AFTPH: variants seen among roughly 807,000 people sequenced by gnomAD.
The protein encoded by AFTPH is aftiphilin protein.
AFTPH carries 7 observed loss-of-function variants against 72.5 expected under a neutral mutation model. The ratio of observed to expected loss-of-function variants is 0.10; its 90% CI spans 0.05 to 0.18. The LOEUF (loss-of-function observed/expected upper bound fraction) is 0.18. Ranked by LOEUF, AFTPH falls within the 10% of genes least tolerant of loss-of-function variation. AFTPH has a pLI of 1.00. For synonymous variants in AFTPH, 337 were observed against 370.1 expected, an observed-to-expected ratio of 0.91 and a Z score of 1.03; for missense variants, 979 against 1,060.5, an observed-to-expected ratio of 0.92 and a Z score of 1.07.
At chr2:64,585,435 G>A (rs1406953442) in exon 8 of AFTPH, 2 of 1,612,332 alleles carry the variant, frequency 1.2e-6, no homozygotes, top group African/African-American at 2.7e-5. Context: ...TGGATCCGGA[G>A]TTGTATGAGT....
chr2:64,536,985 G>T (rs992387486), intron 1 of AFTPH, among the ~76,000 whole-genome samples: 3 of 144,544 alleles, frequency 2.1e-5, no homozygotes, highest in African/African-American at 7.6e-5. Flanking sequence ...AGAAGAAGAA[G>T]AAGAATGCTT....
intron 2 of AFTPH, among the ~76,000 whole-genome samples, chr2:64,561,049 C>T (rs190188418): frequency 6.6e-6 from 1 of 152,202 alleles, no homozygotes; most frequent in East Asian, 1.9e-4. Flanking sequence ...CTAGTCTAAG[C>T]ACAAGTATAC....
At chr2:64,554,139 T>G (rs1291733143) in intron 2 of AFTPH, among the ~76,000 whole-genome samples, 1 of 152,190 alleles carries the variant, frequency 6.6e-6, no homozygotes, top group Non-Finnish European at 1.5e-5. Context: ...TGTTAGCTCT[T>G]CCTAGAGAGT....
chr2:64,581,090 C>T lies in AFTPH; in HGVS notation c.2455+1544C>T, dbSNP rs1399924786. The T allele has an allele frequency of 1.3e-5, 9 of 675,552 alleles. 1 individual carries two copies. In the Admixed American group the frequency reaches 1.9e-4, roughly 14 times the overall value. 41.8% of individuals were successfully genotyped at this position (675,552 alleles called of 1,614,324 possible). A position where few individuals can be genotyped will look rare whatever the true frequency, so the allele number is the denominator to read the frequency against. On this transcript the variant is annotated intron_variant, in intron 7 of 8. Transcript: ENST00000238856. ...TGTAATGATTACTAATTATAACCTG[C>T]ATGTTCAAGTGTGTGTCTTACCCCT...
At chr2:64,532,569 TC>T (rs1036423216) in intron 1 of AFTPH, among the ~76,000 whole-genome samples, 5 of 152,178 alleles carry the variant, frequency 3.3e-5, no homozygotes, top group Admixed American at 6.5e-5. Context: ...AGGAGCTTTG[TC>T]AAAGGGGATC....
intron 1 of AFTPH, among the ~76,000 whole-genome samples, chr2:64,532,344 A>T (rs531606123): frequency 3.9e-4 from 59 of 152,298 alleles, no homozygotes; most frequent in South Asian, 2.3e-3. Context: ...AAATTTTTTT[A>T]AAAAAATCTT....
chr2:64,552,918 G>A (rs755866412), exon 2 of AFTPH: 2 of 1,614,102 alleles, frequency 1.2e-6, no homozygotes, highest in Non-Finnish European at 8.5e-7. Context: ...TGGAGAATTT[G>A]GGGATATAAA....
chr2:64,576,289 C>G (rs1672797859), intron 6 of AFTPH, among the ~76,000 whole-genome samples: 1 of 151,690 alleles, frequency 6.6e-6, no homozygotes, highest in Non-Finnish European at 1.5e-5. Context: ...GTGCTAGAAG[C>G]AACAGTGGCT....
intron 6 of AFTPH, among the ~76,000 whole-genome samples, chr2:64,575,733 G>GTGTA (rs1672731264): frequency 1.5e-5 from 1 of 65,320 alleles, no homozygotes; most frequent in African/African-American, 7.3e-5. Flanking sequence ...GTGTGTGTGT[G>GTGTA]TGTGTGTGTA....
chr2:64,575,209 TTGAC>T (rs1672689417), intron 6 of AFTPH, among the ~76,000 whole-genome samples: 1 of 152,234 alleles, frequency 6.6e-6, no homozygotes, highest in Non-Finnish European at 1.5e-5. Context: ...CACTATGGAC[TTGAC>T]AAAAAAGTAG....
chr2:64,550,086 T>C (rs1212082285), intron 1 of AFTPH, among the ~76,000 whole-genome samples: 1 of 152,222 alleles, frequency 6.6e-6, no homozygotes. Flanking sequence ...TTTAGAGAAA[T>C]GAAAACATGG....
At chr2:64,588,135 C>A (rs1180948413) in intron 8 of AFTPH, among the ~76,000 whole-genome samples, 1 of 152,140 alleles carries the variant, frequency 6.6e-6, no homozygotes, top group Non-Finnish European at 1.5e-5. Flanking sequence ...CAGGCCCTGG[C>A]AACTACTAAT....
intron 1 of AFTPH, among the ~76,000 whole-genome samples, chr2:64,547,571 AT>A (rs918496575): frequency 2.6e-5 from 4 of 152,158 alleles, no homozygotes; most frequent in African/African-American, 9.7e-5. Flanking sequence ...AACTATGCAA[AT>A]ATCCAGTTCC....
intron 1 of AFTPH, 115 bp from the exon 2 acceptor site, chr2:64,551,328 G>A: frequency 1.2e-6 from 1 of 804,032 alleles, no homozygotes; most frequent in South Asian, 2.1e-5. Context: ...GAAAAAAGGA[G>A]ACAAAATAGA....
chr2:64,574,420 C>G (rs1320547356), intron 6 of AFTPH, among the ~76,000 whole-genome samples: 1 of 152,126 alleles, frequency 6.6e-6, no homozygotes, highest in Non-Finnish European at 1.5e-5. Flanking sequence ...ATTGAAGAGT[C>G]CTGCAATGAA....
rs1319783890 is a variant in AFTPH, at chr2:64,530,761, T to A, written c.-33+6149T>A. ...AGCATTTCTCCATGTTACTAAATTT[T>A]CCTTAAAACATGCTTTTTGGCTGGG... On this transcript the variant is annotated intron_variant, in intron 1 of 8. Coordinates refer to ENST00000238856, the Ensembl canonical transcript of AFTPH. 2.0e-5 allele frequency among the ~76,000 whole-genome samples: 3 copies of A among 152,276 alleles called. No individual in the cohort carries two copies. In the East Asian group the frequency reaches 5.8e-4, roughly 29 times the overall value.
intron 5 of AFTPH, among the ~76,000 whole-genome samples, chr2:64,572,061 A>G (rs75535222): frequency 7.2e-5 from 11 of 152,070 alleles, no homozygotes; most frequent in Admixed American, 2.0e-4. Flanking sequence ...ACTAAAAAAA[A>G]TACAAAAAAT....
chr2:64,555,523 T>G (rs1160885303), intron 2 of AFTPH, among the ~76,000 whole-genome samples: 1 of 150,842 alleles, frequency 6.6e-6, no homozygotes, highest in Non-Finnish European at 1.5e-5. Context: ...ATCACACCAC[T>G]GCATTTCAGG....
chr2:64,577,622 G>T (rs148314602), intron 6 of AFTPH, among the ~76,000 whole-genome samples: 25 of 152,326 alleles, frequency 1.6e-4, no homozygotes, highest in Non-Finnish European at 2.6e-4. Context: ...TGATCTAGAA[G>T]TGGAGTAAGT....
Sources: allele counts gnomAD v4.1 joint callset (sites outside exome capture counted in the v4.1 genomes callset), GRCh38; gene constraint gnomAD v4.1.1; transcripts MANE v1.5; gene names NCBI Gene and HGNC (gene_info 2026-07-23, HGNC 2026-07-21).